The following EGFR variants were observed in gnomAD, a reference collection of about 807,000 sequenced individuals.
EGFR encodes the protein avian erythroblastic leukemia viral (v-erb-b) oncogene homolog.
A neutral mutation model predicts 143.0 loss-of-function variants in EGFR; 58 were observed. The ratio of observed to expected loss-of-function variants is 0.41; its 90% CI spans 0.33 to 0.50. The LOEUF (loss-of-function observed/expected upper bound fraction) is 0.50. EGFR is among the 20% of genes least tolerant of loss of function. The probability of loss-of-function intolerance (pLI) is 0.39; values close to 1 mark genes in which losing one functional copy is unlikely to be tolerated. For missense variants in EGFR, 1,307 were observed against 1,579.0 expected (o/e 0.83, Z 2.92); for synonymous variants, 613 against 594.4 (o/e 1.03, Z -0.45).
In EGFR at chr7:55,065,771, A is replaced by G. The variant is rs1789458987; in HGVS notation, c.88+46406A>G. Among the ~76,000 whole-genome samples the G allele has an allele frequency of 3.3e-5, 5 of 151,190 alleles. No individual in the cohort carries two copies. The South Asian group carries it at 8.4e-4, about 25-fold the overall frequency. The stretch of plus-strand genomic sequence containing the variant: ...TTCCCTCTTCACTAACATGCTTTTG[A>G]CATGCATGGCAGAGCTGAAGGCAAG... On this transcript the variant is annotated intron_variant, in intron 1 of 27. Coordinates refer to ENST00000275493, the MANE Select transcript of EGFR (RefSeq NM_005228.5).
chr7:55,079,129 G>C (rs1009313091), intron 1 of EGFR, among the ~76,000 whole-genome samples: 2 of 152,204 alleles, frequency 1.3e-5, no homozygotes, highest in Non-Finnish European at 1.5e-5. Flanking sequence ...AGGCAGGCAT[G>C]GGCTGAGGCT....
chr7:55,174,570 C>A lies in EGFR; in HGVS notation c.2185-152C>A, dbSNP rs1786505870. 7 of 713,414 alleles carry A rather than the reference C, an allele frequency of 9.8e-6. No individual in the cohort carries two copies. In the East Asian group the frequency reaches 1.9e-4, roughly 19 times the overall value. The allele number at this position is 713,414 out of a possible 1,614,324, so 44.2% of individuals were successfully genotyped here. A position where few individuals can be genotyped will look rare whatever the true frequency, so the allele number is the denominator to read the frequency against. Reference sequence around the variant, plus strand: ...TGCAGGGCTGCGGGGGCGTCACAGCCCCCAGCAATATCAGCCTTAGGTGCG... The same window carrying A: ...TGCAGGGCTGCGGGGGCGTCACAGCACCCAGCAATATCAGCCTTAGGTGCG... On this transcript the variant is annotated intron_variant, in intron 18 of 27. Transcript: ENST00000275493.
intron 19 of EGFR, 84 bp from the exon 20 acceptor site, chr7:55,181,209 G>A (rs1048369364): frequency 1.4e-5 from 21 of 1,496,234 alleles, no homozygotes; most frequent in Non-Finnish European, 1.8e-5. Flanking sequence ...TCGCATTCAT[G>A]CGTCTTCACC....
chr7:55,097,135 A>G (rs1238834069), intron 1 of EGFR, among the ~76,000 whole-genome samples: 2 of 152,168 alleles, frequency 1.3e-5, no homozygotes, highest in African/African-American at 4.8e-5. Context: ...GTTTGTCAAA[A>G]TACATATTTC....
chr7:55,146,728 C>A lies in EGFR; in HGVS notation c.547C>A (p.His183Asn), dbSNP rs772071414. The change falls in exon 4 of 28, where the codon CAC becomes AAC. Residue 183 changes from histidine (H) to asparagine (N), a missense_variant. Around this residue, in one of 7 missense-constraint regions of EGFR, gnomAD observed 311 missense variants for 412.3 expected, o/e 0.75. Coordinates refer to ENST00000275493, the MANE Select transcript of EGFR (RefSeq NM_005228.5). ...CAACATGTCGATGGACTTCCAGAAC[C>A]ACCTGGGCAGCTGTAAGTGTCGCAT... is the stretch of plus-strand genomic sequence containing the variant. ...LSNMSMDFQN[H>N]LGSCQKCDPS... is the part of the protein sequence containing the mutation. The A allele has an allele frequency of 5.6e-6, 9 of 1,614,196 alleles. No individual in the cohort carries two copies. In the South Asian group the frequency reaches 9.9e-5, roughly 18 times the overall value.
intron 1 of EGFR, among the ~76,000 whole-genome samples, chr7:55,064,276 G>A (rs568269782): frequency 1.6e-4 from 24 of 152,288 alleles, no homozygotes; most frequent in African/African-American, 3.6e-4. Context: ...TAATTGTGTC[G>A]TGTTCTTCCC....
chr7:55,151,252 A>T (rs771539767), intron 4 of EGFR, 42 bp from the exon 5 acceptor site: 13 of 1,599,238 alleles, frequency 8.1e-6, no homozygotes, highest in Non-Finnish European at 1.0e-5. Context: ...TCAGTTTCTC[A>T]TCATTTCACT....
intron 18 of EGFR, among the ~76,000 whole-genome samples, chr7:55,174,414 G>C (rs1786498454): frequency 6.6e-6 from 1 of 152,222 alleles, no homozygotes; most frequent in South Asian, 2.1e-4. Context: ...CATGAAATCT[G>C]ATTTCAGTTA....
Position 55,210,975 on chromosome 7 carries a change from A to G in EGFR, c.*5358A>G, listed in dbSNP as rs1046901076. ...ATGGCTTTCATAAAAACAAGAATTC[A>G]AGAAGAGGATTCATGCTTTAAGAAA... On this transcript the variant is annotated 3_prime_UTR_variant, in exon 28 of 28. Coordinates refer to ENST00000275493, the MANE Select transcript of EGFR (RefSeq NM_005228.5). 9 of 152,244 alleles carry G rather than the reference A, an allele frequency of 5.9e-5. No individual in the cohort carries two copies. Among genetic ancestry groups the G allele is most frequent in the African/African-American group, 2.2e-4 (9 of 41,454 alleles). 9.4% of individuals were successfully genotyped at this position (152,244 alleles called of 1,614,324 possible).
At chr7:55,093,873 G>A (rs1791282069) in intron 1 of EGFR, among the ~76,000 whole-genome samples, 1 of 152,138 alleles carries the variant, frequency 6.6e-6, no homozygotes, top group Non-Finnish European at 1.5e-5. Context: ...TTAGCCAGCT[G>A]GTCCTGTCGT....
chr7:55,165,005 A>G (rs1294426199), intron 14 of EGFR, among the ~76,000 whole-genome samples: 20 of 152,224 alleles, frequency 1.3e-4, no homozygotes, highest in Non-Finnish European at 5.9e-5. Context: ...GATGCCCACA[A>G]TGGTTAAGCA....
At chr7:55,188,852 A>T (rs887180652) in intron 20 of EGFR, 1 of 152,182 alleles carries the variant, frequency 6.6e-6, no homozygotes, top group Non-Finnish European at 1.5e-5. Context: ...CCTCCAACTG[A>T]TTACCTGAAT....
At chr7:55,152,466 C>T in intron 5 of EGFR, 80 bp from the exon 6 acceptor site, 2 of 1,285,840 alleles carry the variant, frequency 1.6e-6, no homozygotes, top group African/African-American at 2.9e-5. Flanking sequence ...ATGAAAAAGT[C>T]TGCAAGTGCT....
chr7:55,207,380 A>G lies in EGFR; in HGVS notation c.*1763A>G, dbSNP rs537359645. 4.6e-6 allele frequency: 1 copy of G among 219,522 alleles called. No individual in the cohort carries two copies. The highest frequency in any genetic ancestry group is 1.8e-4 in the South Asian group (1 of 5,408). 13.6% of individuals were successfully genotyped at this position (219,522 alleles called of 1,614,324 possible). Reference sequence around the variant, plus strand: ...CCCTAAGCATCTATACTAGCCTGGTATGGGTATGAAAGATACAAAGATAAA... The same window carrying G: ...CCCTAAGCATCTATACTAGCCTGGTGTGGGTATGAAAGATACAAAGATAAA... On this transcript the variant is annotated 3_prime_UTR_variant, in exon 28 of 28. Coordinates refer to ENST00000275493, the MANE Select transcript of EGFR (RefSeq NM_005228.5).
intron 15 of EGFR, among the ~76,000 whole-genome samples, chr7:55,169,214 C>T (rs997167310): frequency 6.6e-6 from 1 of 152,004 alleles, no homozygotes; most frequent in Non-Finnish European, 1.5e-5. Flanking sequence ...AATTCTCCTG[C>T]TTCAGCCTCC....
intron 20 of EGFR, among the ~76,000 whole-genome samples, chr7:55,184,082 G>A (rs904621091): frequency 1.3e-5 from 2 of 152,258 alleles, no homozygotes; most frequent in South Asian, 2.1e-4. Flanking sequence ...CGCATTCGCC[G>A]TGTGAACGGG....
chr7:55,125,763 T>C (rs1793487927), intron 1 of EGFR, among the ~76,000 whole-genome samples: 1 of 152,240 alleles, frequency 6.6e-6, no homozygotes, highest in Non-Finnish European at 1.5e-5. Context: ...CAGGGCCCCT[T>C]GCACTGTGCT....
chr7:55,193,369 C>T (rs1474824263), intron 22 of EGFR, among the ~76,000 whole-genome samples: 1 of 151,268 alleles, frequency 6.6e-6, no homozygotes, highest in Non-Finnish European at 1.5e-5. Context: ...CCATCTGGTC[C>T]GGCCCTGGGG....
chr7:55,205,260 C>T lies in EGFR; in HGVS notation c.3276C>T (p.Tyr1092=), dbSNP rs1170625146. Residue 1092 remains tyrosine, a synonymous_variant, in exon 28 of 28, where the codon TAC becomes TAT. Transcript: ENST00000275493. The part of the protein sequence containing the change: ...IDDTFLPVPE[Y]INQSVPKRPA... ...CTGATTTCTTTCCACTTTCAGAATACATAAACCAGTCCGTTCCCAAAAGGC... is the reference window on the plus strand; with the variant it reads ...CTGATTTCTTTCCACTTTCAGAATATATAAACCAGTCCGTTCCCAAAAGGC... 1 of 1,613,666 alleles carries T rather than the reference C, an allele frequency of 6.2e-7. No individual in the cohort carries two copies. Among genetic ancestry groups the T allele is most frequent in the Admixed American group, 1.7e-5 (1 of 59,960 alleles).
Sources: gnomAD v4.1 joint callset for allele counts (sites outside exome capture counted in the v4.1 genomes callset) on GRCh38, gnomAD v4.1.1 for gene constraint, gnomAD v4.1.1 regional missense constraint, MANE v1.5 for transcripts, NCBI Gene and HGNC (gene_info 2026-07-23, HGNC 2026-07-21) for gene names.